The following GKAP1 variants were observed in gnomAD, a reference collection of about 807,000 sequenced individuals.
The protein encoded by GKAP1 is G kinase-anchoring protein 1.
GKAP1 carries 31 observed loss-of-function variants against 56.7 expected under a neutral mutation model. The ratio of observed to expected loss-of-function variants is 0.55; its 90% CI spans 0.41 to 0.74. The LOEUF is 0.74. Ranked by LOEUF, GKAP1 falls within the 30% of genes least tolerant of loss-of-function variation. GKAP1 has a pLI of 0.00. For synonymous variants in GKAP1, 151 were observed against 138.6 expected (o/e 1.09, Z -0.63); for missense variants, 364 against 402.3 (o/e 0.90, Z 0.82).
intron 2 of GKAP1, among the ~76,000 whole-genome samples, chr9:83,814,809 G>A (rs781248896): frequency 4.6e-5 from 7 of 152,170 alleles, no homozygotes; most frequent in Admixed American, 4.6e-4. Context: ...GTTTCATTAC[G>A]GTAAGTACTA....
At chr9:83,776,645 A>T (rs923351390) in intron 7 of GKAP1, among the ~76,000 whole-genome samples, 3 of 152,174 alleles carry the variant, frequency 2.0e-5, no homozygotes, top group African/African-American at 7.2e-5. Flanking sequence ...GCACCACTGC[A>T]TTCCAGCTTG....
intron 3 of GKAP1, among the ~76,000 whole-genome samples, chr9:83,800,111 T>C (rs1944307200): frequency 6.6e-6 from 1 of 152,120 alleles, no homozygotes; most frequent in Non-Finnish European, 1.5e-5. Context: ...CAAAGTAACA[T>C]AATCAACTAA....
intron 4 of GKAP1, among the ~76,000 whole-genome samples, chr9:83,798,229 T>G (rs2131310686): frequency 6.6e-6 from 1 of 152,368 alleles, no homozygotes; most frequent in South Asian, 2.1e-4. Flanking sequence ...AGAATGATAC[T>G]TATTCTGAAT....
intron 10 of GKAP1, among the ~76,000 whole-genome samples, chr9:83,743,041 T>C (rs1038763013): frequency 1.3e-5 from 2 of 152,048 alleles, no homozygotes; most frequent in African/African-American, 4.8e-5. Context: ...CGCATGCCTG[T>C]AATCCCAACT....
At chr9:83,779,545 A>G (rs1320705001) in intron 7 of GKAP1, among the ~76,000 whole-genome samples, 5 of 105,880 alleles carry the variant, frequency 4.7e-5, no homozygotes, top group Non-Finnish European at 1.1e-4. Flanking sequence ...GTATATATAT[A>G]CACGTGTATA....
chr9:83,747,762 G>A (rs934843278), intron 10 of GKAP1, among the ~76,000 whole-genome samples: 2 of 151,474 alleles, frequency 1.3e-5, no homozygotes, highest in Non-Finnish European at 2.9e-5. Flanking sequence ...TCAGTTTCCC[G>A]AGCAGCTGGG....
chr9:83,778,391 T>G (rs972220496), intron 7 of GKAP1, among the ~76,000 whole-genome samples: 1 of 152,220 alleles, frequency 6.6e-6, no homozygotes, highest in Non-Finnish European at 1.5e-5. Flanking sequence ...CTGTGTCCTC[T>G]GCAGGGACAT....
At position 83,799,261 on chromosome 9, in the gene GKAP1, T is replaced by C; in HGVS notation, c.284A>G (p.Asp95Gly). 2 of 1,608,946 alleles carry C rather than the reference T, an allele frequency of 1.2e-6. No homozygotes were observed. Among genetic ancestry groups the C allele is most frequent in the Non-Finnish European group, 1.7e-6 (2 of 1,178,284 alleles). The change falls in exon 4 of 13, where the codon GAT becomes GGT. Residue 95 changes from aspartate (D) to glycine (G), a missense_variant. Coordinates refer to ENST00000376371, the MANE Select transcript of GKAP1 (RefSeq NM_025211.4). ...CTGTACTGGGTTTGACAATGGAAGA[T>C]CATGTTGAGCGTTACAAACAGCATG... The part of the protein sequence containing the change: ...SSHAVCNAQH[D>G]LPLSNPVQKD...
At chr9:83,790,204 A>G (rs978779739) in intron 4 of GKAP1, among the ~76,000 whole-genome samples, 6 of 152,208 alleles carry the variant, frequency 3.9e-5, no homozygotes, top group Non-Finnish European at 8.8e-5. Context: ...TTAGAATTAA[A>G]ATGGTAAGGA....
chr9:83,784,836 C>T lies in GKAP1; in HGVS notation c.441G>A (p.Glu147=). The change falls in exon 6 of 13, where the codon GAG becomes GAA. Residue 147 remains glutamate (E), a splice_region_variant and synonymous_variant. Transcript: ENST00000376371. ...SKLEYEEHKK[E]YEDAENTSTQ... ...TTGAAGTATTTTCAGCATCTTCATA[C>T]TCCTAAAAAGAATTACCAACAACAA... The T allele has an allele frequency of 6.4e-7, 1 of 1,563,796 alleles. No homozygotes were observed. The highest frequency in any genetic ancestry group is 8.7e-7 in the Non-Finnish European group (1 of 1,153,144).
At chr9:83,799,995 A>G (rs1298906053) in intron 3 of GKAP1, among the ~76,000 whole-genome samples, 1 of 152,158 alleles carries the variant, frequency 6.6e-6, no homozygotes, top group Admixed American at 6.5e-5. Flanking sequence ...ATGCAAAACA[A>G]TACAGTTCAG....
chr9:83,800,804 T>G (rs1252032065), intron 3 of GKAP1, among the ~76,000 whole-genome samples: 1 of 152,170 alleles, frequency 6.6e-6, no homozygotes, highest in Non-Finnish European at 1.5e-5. Context: ...AAGGCAAAGG[T>G]GGAGCTGTAA....
intron 7 of GKAP1, 147 bp from the exon 8 acceptor site, chr9:83,769,117 G>A (rs1014401949): frequency 1.4e-5 from 8 of 587,902 alleles, no homozygotes; most frequent in Non-Finnish European, 2.3e-5. Context: ...TGACAGCTAA[G>A]AGACAATCAA....
At chr9:83,806,113 T>C (rs1944436023) in intron 3 of GKAP1, among the ~76,000 whole-genome samples, 189 bp downstream of exon 3, 1 of 149,762 alleles carries the variant, frequency 6.7e-6, no homozygotes, top group Admixed American at 6.6e-5. Context: ...TGAGACCCTG[T>C]CTCAAAAAAA....
At chr9:83,799,060 A>G in intron 4 of GKAP1, 125 bp downstream of exon 4, 1 of 766,602 alleles carries the variant, frequency 1.3e-6, no homozygotes, top group Admixed American at 2.7e-5. Context: ...TAAAAGCAAC[A>G]AATATGAATT....
chr9:83,743,621 G>A (rs1159775002), intron 10 of GKAP1, among the ~76,000 whole-genome samples: 2 of 152,156 alleles, frequency 1.3e-5, no homozygotes, highest in East Asian at 1.9e-4. Context: ...ACAATGCAGA[G>A]TGCTTTTTTT....
intron 4 of GKAP1, among the ~76,000 whole-genome samples, chr9:83,789,491 G>GT (rs1385576241): frequency 6.6e-6 from 1 of 152,194 alleles, no homozygotes; most frequent in African/African-American, 2.4e-5. Flanking sequence ...TTGTGTACAT[G>GT]TATGTGTCTA....
At chr9:83,786,777 T>A (rs1944071317) in intron 5 of GKAP1, among the ~76,000 whole-genome samples, 1 of 152,342 alleles carries the variant, frequency 6.6e-6, no homozygotes, top group East Asian at 1.9e-4. Flanking sequence ...TCAATGATTT[T>A]GAGTACTACA....
intron 8 of GKAP1, among the ~76,000 whole-genome samples, chr9:83,760,734 A>T (rs1288188252): frequency 6.6e-6 from 1 of 152,218 alleles, no homozygotes; most frequent in Admixed American, 6.5e-5. Context: ...CTATACAAAT[A>T]CATGGAAATT....
Sources: allele counts gnomAD v4.1 joint callset (sites outside exome capture counted in the v4.1 genomes callset), GRCh38; gene constraint gnomAD v4.1.1; transcripts MANE v1.5; gene names NCBI Gene and HGNC (gene_info 2026-07-23, HGNC 2026-07-21).